Variants in ADAMTSL1 observed in about 807,000 individuals in gnomAD.
ADAMTSL1 encodes ADAMTS-like protein 1.
ADAMTSL1 carries 126 observed loss-of-function variants against 201.8 expected under a neutral mutation model. That is an observed-to-expected ratio of 0.62 (90% confidence interval 0.54 to 0.72). The LOEUF (loss-of-function observed/expected upper bound fraction) is 0.72, where lower values mean the gene tolerates loss of function less well. ADAMTSL1 is among the 30% of genes least tolerant of loss of function. The pLI is 0.00. For missense variants in ADAMTSL1, 2,679 were observed against 2,277.8 expected, an observed-to-expected ratio of 1.18 and a Z score of -3.59; for synonymous variants, 1,121 against 903.4, an observed-to-expected ratio of 1.24 and a Z score of -4.32.
intron 1 of ADAMTSL1, among the ~76,000 whole-genome samples, chr9:18,014,965 G>A (rs138952194): frequency 1.3e-5 from 2 of 152,100 alleles, no homozygotes; most frequent in Non-Finnish European, 2.9e-5. Flanking sequence ...AGTTAATCTC[G>A]GCTGTAGACA....
intron 16 of ADAMTSL1, among the ~76,000 whole-genome samples, chr9:18,754,688 C>A (rs772090196): frequency 6.6e-6 from 1 of 152,134 alleles, no homozygotes; most frequent in Non-Finnish European, 1.5e-5. Flanking sequence ...TGCTCCTTGC[C>A]CATCTTGGAG....
chr9:18,520,815 C>CA (rs146418573), intron 2 of ADAMTSL1, among the ~76,000 whole-genome samples: 2,714 of 150,716 alleles, frequency 0.018, 62 homozygotes, highest in African/African-American at 0.058. Flanking sequence ...TCTATCTATT[C>CA]AAAAAAAAAA....
chr9:18,046,555 T>C (rs1367869264), intron 1 of ADAMTSL1, among the ~76,000 whole-genome samples: 1 of 152,184 alleles, frequency 6.6e-6, no homozygotes, highest in Non-Finnish European at 1.5e-5. Context: ...TTGGTGACCA[T>C]GTGTCCAGCT....
chr9:18,512,408 T>C (rs1001927116), intron 2 of ADAMTSL1, among the ~76,000 whole-genome samples: 1 of 152,056 alleles, frequency 6.6e-6, no homozygotes, highest in Non-Finnish European at 1.5e-5. Flanking sequence ...ATATCAGGAA[T>C]CTGTAACTCT....
chr9:17,950,071 G>A (rs2840781), intron 1 of ADAMTSL1, among the ~76,000 whole-genome samples: 133,483 of 152,030 alleles, frequency 0.88, 58,711 homozygotes, highest in East Asian at 0.94. Context: ...GGCATGCACC[G>A]CCACTGCCAG....
chr9:17,958,337 T>C (rs1828007376), intron 1 of ADAMTSL1, among the ~76,000 whole-genome samples: 1 of 152,208 alleles, frequency 6.6e-6, no homozygotes, highest in Non-Finnish European at 1.5e-5. Context: ...ATGAGATAAC[T>C]GGGAGAAGAA....
At chr9:18,080,730 A>G (rs1405797582) in intron 1 of ADAMTSL1, among the ~76,000 whole-genome samples, 7 of 152,196 alleles carry the variant, frequency 4.6e-5, no homozygotes, top group Non-Finnish European at 8.8e-5. Context: ...TAAGGCCTAG[A>G]GGCACTAAGT....
At chr9:18,432,945 G>A (rs577496660) in intron 2 of ADAMTSL1, among the ~76,000 whole-genome samples, 17 of 152,254 alleles carry the variant, frequency 1.1e-4, no homozygotes, top group South Asian at 4.1e-4. Context: ...AGGAAACTAT[G>A]TAGAGGTTTT....
At chr9:18,836,871 A>G (rs548650578) in intron 23 of ADAMTSL1, among the ~76,000 whole-genome samples, 7 of 152,182 alleles carry the variant, frequency 4.6e-5, no homozygotes, top group African/African-American at 1.2e-4. Flanking sequence ...TTGTGTTGCT[A>G]TTGTAAATGG....
At chr9:18,123,951 A>G (rs751193425) in intron 1 of ADAMTSL1, among the ~76,000 whole-genome samples, 4 of 152,084 alleles carry the variant, frequency 2.6e-5, no homozygotes, top group African/African-American at 7.2e-5. Context: ...CATTCTTGCC[A>G]GGACTTATTA....
chr9:18,702,117 G>C (rs942052441), intron 13 of ADAMTSL1, among the ~76,000 whole-genome samples: 3 of 152,136 alleles, frequency 2.0e-5, no homozygotes, highest in Non-Finnish European at 2.9e-5. Flanking sequence ...CAGATCTCAT[G>C]AGACACATTC....
intron 23 of ADAMTSL1, among the ~76,000 whole-genome samples, chr9:18,842,070 C>G (rs1243347692): frequency 6.6e-6 from 1 of 151,060 alleles, no homozygotes; most frequent in Non-Finnish European, 1.5e-5. Flanking sequence ...TATTTCTTGC[C>G]TTCTGCTAGC....
At chr9:18,840,209 T>C (rs1449230653) in intron 23 of ADAMTSL1, among the ~76,000 whole-genome samples, 1 of 151,926 alleles carries the variant, frequency 6.6e-6, no homozygotes. Flanking sequence ...AATTAATTTT[T>C]GTATAAGGTG....
chr9:18,021,100 T>C (rs1171873435), intron 1 of ADAMTSL1, among the ~76,000 whole-genome samples: 2 of 152,156 alleles, frequency 1.3e-5, no homozygotes, highest in Non-Finnish European at 2.9e-5. Context: ...TCTCTGGGGC[T>C]TTGCTCAGCA....
intron 15 of ADAMTSL1, among the ~76,000 whole-genome samples, chr9:18,728,736 A>G (rs1278434095): frequency 1.3e-5 from 2 of 152,240 alleles, no homozygotes; most frequent in Non-Finnish European, 1.5e-5. Flanking sequence ...TTGCAGGCAG[A>G]AGGAAAACCA....
intron 1 of ADAMTSL1, among the ~76,000 whole-genome samples, chr9:18,048,996 C>G (rs1302536597): frequency 6.6e-6 from 1 of 152,154 alleles, no homozygotes; most frequent in East Asian, 1.9e-4. Flanking sequence ...GTCCACTCCC[C>G]TACTTCCGGC....
Position 18,777,884 on chromosome 9 carries a change from G to C in ADAMTSL1, c.3655G>C (p.Glu1219Gln), listed in dbSNP as rs759894802. ...TACCATCAGCTGGGCCAGGAATGGA[G>C]AAGAAGTTCAGTTCAGTGACAGGTG... The part of the protein sequence containing the change: ...RPTISWARNG[E>Q]EVQFSDRILL... Residue 1219 changes from glutamate to glutamine, a missense_variant, in exon 19 of 29, where the codon GAA (glutamate) becomes CAA (glutamine). By Grantham distance (29) the Glu-to-Gln change is conservative. Transcript: ENST00000380548. The C allele has an allele frequency of 1.7e-5, 26 of 1,554,992 alleles. No homozygotes were observed. The highest frequency in any genetic ancestry group is 2.2e-5 in the Non-Finnish European group (25 of 1,147,092).
rs143017574 is a variant in ADAMTSL1, at chr9:18,549,216, TAAAAGCTACCAGAG to T, written c.237+15930_237+15943del. Among the ~76,000 whole-genome samples the T allele has an allele frequency of 7.2e-3, 1,090 of 152,050 alleles. 9 individuals carry two copies. Among genetic ancestry groups the T allele is most frequent in the East Asian group, 0.045 (230 of 5,168 alleles). ...CAACTTTAGGATAAGGGGGAAATAGTAAAAGCTACCAGAGAAAAGACAGAGTACCCACAAAAGAA... is the reference window on the plus strand; with the variant it reads ...CAACTTTAGGATAAGGGGGAAATAGTAAAAGACAGAGTACCCACAAAAGAA... On this transcript the variant is annotated intron_variant, in intron 3 of 28. Coordinates refer to ENST00000380548, the MANE Select transcript of ADAMTSL1 (RefSeq NM_001040272.6).
At chr9:18,212,507 C>A (rs1056447303) in intron 2 of ADAMTSL1, among the ~76,000 whole-genome samples, 3 of 152,150 alleles carry the variant, frequency 2.0e-5, no homozygotes, top group African/African-American at 7.2e-5. Flanking sequence ...ACAGCCAGAT[C>A]TGTAGTGCTG....
Sources: allele counts gnomAD v4.1 joint callset (sites outside exome capture counted in the v4.1 genomes callset), GRCh38; gene constraint gnomAD v4.1.1; transcripts MANE v1.5; gene names NCBI Gene and HGNC (gene_info 2026-07-23, HGNC 2026-07-21).